The following C1orf232 variants were observed in gnomAD, a reference collection of about 807,000 sequenced individuals.
The protein encoded by C1orf232 is chromosome 1 open reading frame 230, also known as uncharacterized protein C1orf232.
In C1orf232, 10 loss-of-function variants were observed where a neutral mutation model predicts 12.1. That is an observed-to-expected ratio of 0.82 (90% CI 0.51 to 1.40). C1orf232 has a LOEUF of 1.40. C1orf232 is among the 40% of genes most tolerant of loss of function. The pLI, the probability that C1orf232 is intolerant of heterozygous loss-of-function variation, is 0.00. For synonymous variants in C1orf232, 36 were observed against 39.8 expected (o/e 0.90, Z 0.36); for missense variants, 88 against 98.4 (o/e 0.89, Z 0.45).
At chr1:26,166,556 A>G (rs1448393214) in intron 1 of C1orf232, among the ~76,000 whole-genome samples, 1 of 151,988 alleles carries the variant, frequency 6.6e-6, no homozygotes, top group Non-Finnish European at 1.5e-5. Context: ...GCCTCAAGTG[A>G]TCCTCCCACC....
intron 3 of C1orf232, among the ~76,000 whole-genome samples, chr1:26,165,001 C>T (rs9783055): frequency 0.32 from 47,603 of 150,324 alleles, 8,038 homozygotes; most frequent in East Asian, 0.58. Context: ...GGGGAGAGCG[C>T]GGGACTCAAG....
At chr1:26,167,575 G>A (rs938357185) in intron 1 of C1orf232, among the ~76,000 whole-genome samples, 1 of 151,882 alleles carries the variant, frequency 6.6e-6, no homozygotes, top group South Asian at 2.1e-4. Context: ...TCCACCCTCC[G>A]TGGCCTTCCA....
rs2088409403 is a variant in C1orf232, at chr1:26,164,923, T to C, written c.267-468A>G. Among the ~76,000 whole-genome samples, 1 of 151,274 alleles carries C rather than the reference T, an allele frequency of 6.6e-6. No homozygotes were observed. The highest frequency in any genetic ancestry group is 2.4e-5 in the African/African-American group (1 of 41,078). On this transcript the variant is annotated intron_variant, in intron 3 of 3. Transcript: ENST00000634842. The surrounding 1 kb of genome is among the most constrained non-coding windows in gnomAD (Gnocchi z 4.2). Reference sequence around the variant, plus strand: ...ACAGACAGGAATCAGGTTCTGAGATTGAGGGAAAGGGGGACTAGGAGCACG... The same window carrying C: ...ACAGACAGGAATCAGGTTCTGAGATCGAGGGAAAGGGGGACTAGGAGCACG...
At chr1:26,165,248 CAG>C (rs1557611875) in intron 3 of C1orf232, among the ~76,000 whole-genome samples, 3 of 151,970 alleles carry the variant, frequency 2.0e-5, no homozygotes, top group African/African-American at 7.3e-5. Context: ...GAGAATGTGC[CAG>C]AGATAGAGCC....
chr1:26,164,972 G>A lies in C1orf232; in HGVS notation c.267-517C>T, dbSNP rs1333890242. On this transcript the variant is annotated intron_variant, in intron 3 of 3. Coordinates refer to ENST00000634842, the MANE Select transcript of C1orf232 (RefSeq NM_001364669.2). The surrounding 1 kb of genome is among the most constrained non-coding windows in gnomAD (Gnocchi z 4.2). ...CGGGAGAAAGGTGGAGCGACAGGAA[G>A]GCCTAGGTCAGAGGCTTAGGGGAGA... Among the ~76,000 whole-genome samples, 2 of 152,032 alleles carry A rather than the reference G, an allele frequency of 1.3e-5. No individual in the cohort carries two copies. Among genetic ancestry groups the A allele is most frequent in the African/African-American group, 4.8e-5 (2 of 41,400 alleles).
At position 26,164,226 on chromosome 1, in the gene C1orf232, T is replaced by G; in HGVS notation, c.496A>C (p.Lys166Gln). 2.5e-6 allele frequency: 1 copy of G among 398,484 alleles called. No homozygotes were observed. Among genetic ancestry groups the G allele is most frequent in the Non-Finnish European group, 4.4e-6 (1 of 225,962 alleles). 24.7% of individuals were successfully genotyped at this position (398,484 alleles called of 1,614,324 possible). A position where few individuals can be genotyped will look rare whatever the true frequency, so the allele number is the denominator to read the frequency against. Residue 166 changes from lysine to glutamine, a missense_variant, in exon 4 of 4, where the codon AAG (lysine) becomes CAG (glutamine). Transcript: ENST00000634842. The surrounding 1 kb of genome is among the most constrained non-coding windows in gnomAD (Gnocchi z 4.2). ...AGTTTGTGAGTGAGGAAGCCCCACT[T>G]GAAGCCGGCCACCGGCTCGGCCTCC... is the stretch of plus-strand genomic sequence containing the variant. ...SQEAEPVAGF[K>Q]WGFLTHKLAE...
chr1:26,167,601 A>G (rs12036474), intron 1 of C1orf232, among the ~76,000 whole-genome samples: 19,434 of 152,170 alleles, frequency 0.13, 2,567 homozygotes, highest in East Asian at 0.59. Flanking sequence ...CTAGTATTAC[A>G]GGCAGAAGCC....
At chr1:26,165,713 G>A (rs1455034110) in intron 3 of C1orf232, 113 bp downstream of exon 3, 1 of 1,230,980 alleles carries the variant, frequency 8.1e-7, no homozygotes, top group Non-Finnish European at 1.0e-6. Context: ...GCCTGGGACT[G>A]CCCCTCCCCA....
At chr1:26,166,210 C>G in intron 1 of C1orf232, 92 bp from the exon 2 acceptor site, 1 of 924,602 alleles carries the variant, frequency 1.1e-6, no homozygotes, top group Non-Finnish European at 1.4e-6. Flanking sequence ...ACAGACCAGG[C>G]ACCCCAAATC....
At chr1:26,168,301 A>G (rs2088446957) in intron 1 of C1orf232, 115 bp downstream of exon 1, 18 of 642,840 alleles carry the variant, frequency 2.8e-5, no homozygotes, top group Non-Finnish European at 4.0e-5. Context: ...TGAATGTGGC[A>G]TCTGCACAAA....
chr1:26,166,575 C>T (rs2088429687), intron 1 of C1orf232, among the ~76,000 whole-genome samples: 1 of 152,202 alleles, frequency 6.6e-6, no homozygotes, highest in South Asian at 2.1e-4. Context: ...CCTCGGCCTC[C>T]CAAAGTGCTG....
At position 26,165,888 on chromosome 1, in the gene C1orf232, C is replaced by T. The variant is rs1569856307; in HGVS notation, c.204G>A (p.Met68Ile). ...QGVGVKGWLT[M>I]SSLFNKEDED... Reference sequence around the variant, plus strand: ...CATCTTCTTTGTTAAACAGAGATGACATTGTCAGCCAGCCTTTCACCCCGA... The same window carrying T: ...CATCTTCTTTGTTAAACAGAGATGATATTGTCAGCCAGCCTTTCACCCCGA... Residue 68 changes from methionine to isoleucine, a missense_variant, in exon 3 of 4, where the codon ATG (methionine) becomes ATA (isoleucine). Coordinates refer to ENST00000634842, the MANE Select transcript of C1orf232 (RefSeq NM_001364669.2). 8.1e-7 allele frequency: 1 copy of T among 1,231,802 alleles called. No homozygotes were observed. The highest frequency in any genetic ancestry group is 1.0e-6 in the Non-Finnish European group (1 of 988,036). The allele number at this position is 1,231,802 out of a possible 1,614,324, so 76.3% of individuals were successfully genotyped here.
At chr1:26,167,006 G>C (rs1430362706) in intron 1 of C1orf232, among the ~76,000 whole-genome samples, 1 of 152,164 alleles carries the variant, frequency 6.6e-6, no homozygotes, top group Non-Finnish European at 1.5e-5. Context: ...TTTCACTGGG[G>C]ATTCCACCCA....
In C1orf232 at chr1:26,166,073, C is replaced by G; in HGVS notation, c.130G>C (p.Glu44Gln). 8.1e-7 allele frequency: 1 copy of G among 1,231,674 alleles called. No individual in the cohort carries two copies. Among genetic ancestry groups the G allele is most frequent in the Non-Finnish European group, 1.0e-6 (1 of 987,986 alleles). 76.3% of individuals were successfully genotyped at this position (1,231,674 alleles called of 1,614,324 possible). ...LVGSETAEPT[E>Q]ETFNPMSQLA... Reference sequence around the variant, plus strand: ...TGTGACATGGGATTGAAGGTCTCCTCGGTCGGTTCTGCTGTCTCAGACCCC... The same window carrying G: ...TGTGACATGGGATTGAAGGTCTCCTGGGTCGGTTCTGCTGTCTCAGACCCC... Residue 44 changes from glutamate (E) to glutamine (Q), a missense_variant, in exon 2 of 4, where the codon GAG becomes CAG. Transcript: ENST00000634842.
At position 26,164,411 on chromosome 1, in the gene C1orf232, TCCG is replaced by T. The variant is rs576114855; in HGVS notation, c.308_310del (p.Ala103del). 2.7e-4 allele frequency: 102 copies of T among 383,192 alleles called. No individual in the cohort carries two copies. Among genetic ancestry groups the T allele is most frequent in the South Asian group, 2.6e-4 (2 of 7,750 alleles). The allele number at this position is 383,192 out of a possible 1,614,324, so 23.7% of individuals were successfully genotyped here. A position where few individuals can be genotyped will look rare whatever the true frequency, so the allele number is the denominator to read the frequency against. ...GTCCCAGAAGCCCGGGCCGCGCGCC[TCCG>T]CCGCCGCCGCCGCCTGCGAGGGGGG... On this transcript the variant is annotated inframe_deletion, in exon 4 of 4. Coordinates refer to ENST00000634842, the MANE Select transcript of C1orf232 (RefSeq NM_001364669.2). The surrounding 1 kb of genome is among the most constrained non-coding windows in gnomAD (Gnocchi z 4.2).
intron 3 of C1orf232, 173 bp downstream of exon 3, chr1:26,165,653 C>G: frequency 8.8e-7 from 1 of 1,136,774 alleles, no homozygotes; most frequent in South Asian, 4.6e-5. Flanking sequence ...TTACCCTAAT[C>G]TCCCAGATAT....
chr1:26,168,131 G>A (rs112899614), intron 1 of C1orf232, among the ~76,000 whole-genome samples: 2 of 152,232 alleles, frequency 1.3e-5, no homozygotes, highest in South Asian at 4.1e-4. Context: ...GTGTGCCCGT[G>A]TGCCTACTGC....
At chr1:26,167,829 G>A (rs2088442037) in intron 1 of C1orf232, among the ~76,000 whole-genome samples, 1 of 150,770 alleles carries the variant, frequency 6.6e-6, no homozygotes, top group South Asian at 2.1e-4. Context: ...TCACCGTGTT[G>A]CCCAGGCTGG....
rs111949210 is a variant in C1orf232 at position 26,167,919 on chromosome 1, C to T, written c.84+497G>A. 7.5e-4 allele frequency among the ~76,000 whole-genome samples: 114 copies of T among 152,292 alleles called. 4 individuals carry two copies. The highest frequency in any genetic ancestry group is 2.6e-3 in the African/African-American group (109 of 41,548). On this transcript the variant is annotated intron_variant, in intron 1 of 3. Transcript: ENST00000634842. Reference sequence around the variant, plus strand: ...GATTACAGGCATGAGCCACCGTGCCCGGCCCAGCCTGTTTTTTGTTGTTGT... The same window carrying T: ...GATTACAGGCATGAGCCACCGTGCCTGGCCCAGCCTGTTTTTTGTTGTTGT...
Sources: gnomAD v4.1 joint callset for allele counts (sites outside exome capture counted in the v4.1 genomes callset) on GRCh38, gnomAD v4.1.1 for gene constraint, Gnocchi (gnomAD v3.1) non-coding constraint, MANE v1.5 for transcripts, NCBI Gene and HGNC (gene_info 2026-07-23, HGNC 2026-07-21) for gene names.